BBS9: variants seen among roughly 807,000 people sequenced by gnomAD.
BBS9 encodes the protein Bardet-Biedl syndrome 9, also known as protein PTHB1.
A neutral mutation model predicts 117.7 loss-of-function variants in BBS9; 89 were observed. That is an observed-to-expected ratio of 0.76 (90% confidence interval 0.64 to 0.90). BBS9 has a LOEUF of 0.90. Among genes scored for constraint, BBS9 ranks in the 40% least tolerant of loss-of-function variants. BBS9 has a pLI of 0.00. For missense variants in BBS9, 982 were observed against 1,042.2 expected (o/e 0.94, Z 0.80); for synonymous variants, 379 against 370.9 (o/e 1.02, Z -0.25).
At chr7:33,383,598 A>G in intron 17 of BBS9, 68 bp from the exon 18 acceptor site, 2 of 1,355,934 alleles carry the variant, frequency 1.5e-6, no homozygotes, top group East Asian at 2.4e-5. Context: ...AGGATTAGTG[A>G]TAGTTCATGT....
At chr7:33,584,788 G>T (rs1394089800) in intron 21 of BBS9, among the ~76,000 whole-genome samples, 1 of 152,068 alleles carries the variant, frequency 6.6e-6, no homozygotes, top group Non-Finnish European at 1.5e-5. Context: ...AGGGATTTGG[G>T]TGGTTTTATA....
intron 2 of BBS9, among the ~76,000 whole-genome samples, chr7:33,147,917 C>CA (rs1310808957): frequency 6.7e-6 from 1 of 150,086 alleles, no homozygotes; most frequent in Admixed American, 6.7e-5. Context: ...AGACAACACT[C>CA]ATCATTGTGT....
At chr7:33,468,077 A>G (rs1840444154) in intron 19 of BBS9, among the ~76,000 whole-genome samples, 1 of 152,138 alleles carries the variant, frequency 6.6e-6, no homozygotes, top group Admixed American at 6.6e-5. Context: ...AAATTTAGCT[A>G]CTGGAAGATA....
intron 12 of BBS9, among the ~76,000 whole-genome samples, chr7:33,345,222 G>T (rs781650058): frequency 6.6e-6 from 1 of 152,214 alleles, no homozygotes; most frequent in Non-Finnish European, 1.5e-5. Flanking sequence ...TTTTGGTTAA[G>T]ATTTTTAGTC....
chr7:33,233,423 T>A (rs1477005426), intron 5 of BBS9, among the ~76,000 whole-genome samples: 2 of 152,158 alleles, frequency 1.3e-5, no homozygotes, highest in Non-Finnish European at 2.9e-5. Flanking sequence ...TTATTAACTT[T>A]TTGCTGAGTT....
At chr7:33,436,995 A>C (rs1251301497) in intron 19 of BBS9, among the ~76,000 whole-genome samples, 1 of 152,214 alleles carries the variant, frequency 6.6e-6, no homozygotes, top group Non-Finnish European at 1.5e-5. Context: ...AGATTTGTAC[A>C]TGAGTGAGGA....
At chr7:33,305,619 T>C (rs76036654) in intron 9 of BBS9, among the ~76,000 whole-genome samples, 4,314 of 152,290 alleles carry the variant, frequency 0.028, 219 homozygotes, top group African/African-American at 0.099. Context: ...TTGGATTTCC[T>C]CATGGTTCAA....
chr7:33,533,847 G>A (rs1445802247), intron 20 of BBS9, 107 bp from the exon 21 acceptor site: 7 of 1,306,070 alleles, frequency 5.4e-6, no homozygotes, highest in Non-Finnish European at 6.6e-6. Flanking sequence ...CTCTTCACAG[G>A]TTCCCAACAC....
chr7:33,510,434 C>T (rs763171887), intron 20 of BBS9, among the ~76,000 whole-genome samples: 2 of 151,978 alleles, frequency 1.3e-5, no homozygotes, highest in Admixed American at 6.6e-5. Flanking sequence ...TCATGCTGCA[C>T]AGAAGCCAAA....
At chr7:33,605,144 C>T (rs772089471) in intron 22 of BBS9, 51 bp from the exon 23 acceptor site, 1 of 1,554,644 alleles carries the variant, frequency 6.4e-7, no homozygotes, top group South Asian at 1.1e-5. Context: ...GTATTCCTGT[C>T]ACTATTCAGA....
chr7:33,159,043 G>A (rs921914954), intron 4 of BBS9, among the ~76,000 whole-genome samples: 1 of 151,844 alleles, frequency 6.6e-6, no homozygotes, highest in Non-Finnish European at 1.5e-5. Flanking sequence ...GGCCTCCTTT[G>A]ATTGGCCAAA....
intron 19 of BBS9, among the ~76,000 whole-genome samples, chr7:33,407,710 G>C (rs1449503626): frequency 6.6e-6 from 1 of 152,226 alleles, no homozygotes; most frequent in East Asian, 1.9e-4. Flanking sequence ...TCCAGACCCT[G>C]TTTGCCTGGG....
At chr7:33,590,315 A>G (rs1421647126) in intron 21 of BBS9, among the ~76,000 whole-genome samples, 1 of 152,136 alleles carries the variant, frequency 6.6e-6, no homozygotes, top group Non-Finnish European at 1.5e-5. Context: ...AAATGCTGGC[A>G]TGAAAGTGGG....
chr7:33,196,074 T>TGGGA (rs1784890663), intron 5 of BBS9, among the ~76,000 whole-genome samples: 1 of 152,174 alleles, frequency 6.6e-6, no homozygotes, highest in Non-Finnish European at 1.5e-5. Flanking sequence ...TAAGCTTGTA[T>TGGGA]GGGATTATAT....
chr7:33,435,303 A>G (rs759017366), intron 19 of BBS9, among the ~76,000 whole-genome samples: 5 of 152,178 alleles, frequency 3.3e-5, no homozygotes, highest in Non-Finnish European at 7.4e-5. Flanking sequence ...ATGACCTTTT[A>G]AAATGTTTAC....
chr7:33,354,517 T>C (rs183400146), intron 15 of BBS9, among the ~76,000 whole-genome samples: 19 of 152,302 alleles, frequency 1.2e-4, no homozygotes, highest in Admixed American at 1.2e-3. Context: ...AAGTTCTGGC[T>C]ACCAGACATT....
At chr7:33,274,645 A>G (rs1036386463) in intron 9 of BBS9, among the ~76,000 whole-genome samples, 14 of 152,180 alleles carry the variant, frequency 9.2e-5, no homozygotes, top group African/African-American at 3.4e-4. Context: ...ATAAAGCTTC[A>G]TAGATTCTCA....
At chr7:33,278,172 G>A (rs550049124) in intron 9 of BBS9, among the ~76,000 whole-genome samples, 4 of 152,314 alleles carry the variant, frequency 2.6e-5, no homozygotes, top group Admixed American at 2.0e-4. Context: ...TGCAAAGCCT[G>A]TTTCACTTTC....
chr7:33,259,696 A>G (rs564655759), intron 6 of BBS9, among the ~76,000 whole-genome samples: 27 of 152,126 alleles, frequency 1.8e-4, no homozygotes, highest in African/African-American at 5.8e-4. Context: ...TACTGAGGGT[A>G]AGGGTAAGGG....
Sources: gnomAD v4.1 joint callset for allele counts (sites outside exome capture counted in the v4.1 genomes callset) on GRCh38, gnomAD v4.1.1 for gene constraint, MANE v1.5 for transcripts, NCBI Gene and HGNC (gene_info 2026-07-23, HGNC 2026-07-21) for gene names.